TLN2: variants seen among roughly 807,000 people sequenced by gnomAD.
TLN2 encodes talin-2.
Under a neutral mutation model 294.7 loss-of-function variants are expected in TLN2, and 118 were observed. That is an observed-to-expected ratio of 0.40 (90% CI 0.34 to 0.47). The LOEUF is 0.47. TLN2 is among the 20% of genes least tolerant of loss of function. The pLI, the probability that TLN2 is intolerant of heterozygous loss-of-function variation, is 0.84. For missense variants in TLN2, 3,083 were observed against 3,282.2 expected, an observed-to-expected ratio of 0.94 and a Z score of 1.48; for synonymous variants, 1,431 against 1,304.5, an observed-to-expected ratio of 1.10 and a Z score of -2.09.
At chr15:62,396,703 A>G (rs1273974886) in intron 1 of TLN2, among the ~76,000 whole-genome samples, 1 of 151,956 alleles carries the variant, frequency 6.6e-6, no homozygotes, top group African/African-American at 2.4e-5. Context: ...GCTTCTGGCC[A>G]ATTGAGAAGG....
At chr15:62,668,663 G>A (rs2055022897) in intron 9 of TLN2, among the ~76,000 whole-genome samples, 1 of 152,204 alleles carries the variant, frequency 6.6e-6, no homozygotes, top group Non-Finnish European at 1.5e-5. Flanking sequence ...GACGGCGTGT[G>A]TGCTGTGACC....
At chr15:62,817,314 A>T (rs1308112253) in intron 52 of TLN2, among the ~76,000 whole-genome samples, 2 of 152,322 alleles carry the variant, frequency 1.3e-5, no homozygotes, top group African/African-American at 4.8e-5. Flanking sequence ...TTCACTCATT[A>T]ATTAATTTGT....
At chr15:62,630,866 T>G (rs967051289) in intron 3 of TLN2, among the ~76,000 whole-genome samples, 2 of 152,080 alleles carry the variant, frequency 1.3e-5, no homozygotes, top group African/African-American at 4.8e-5. Flanking sequence ...TTCAGACGAG[T>G]TCACCAAGAG....
At chr15:62,407,073 A>C (rs193154824) in intron 1 of TLN2, among the ~76,000 whole-genome samples, 70 of 152,288 alleles carry the variant, frequency 4.6e-4, no homozygotes, top group Admixed American at 2.1e-3. Context: ...TTAGAGGCCA[A>C]GGGACCCTAA....
intron 1 of TLN2, among the ~76,000 whole-genome samples, chr15:62,533,041 G>A (rs2041135312): frequency 6.6e-6 from 1 of 151,956 alleles, no homozygotes; most frequent in African/African-American, 2.4e-5. Flanking sequence ...ATCGCTTGAG[G>A]TCAGGAGTTT....
chr15:62,440,700 C>G (rs2035503594), intron 1 of TLN2, among the ~76,000 whole-genome samples: 1 of 152,172 alleles, frequency 6.6e-6, no homozygotes, highest in Admixed American at 6.5e-5. Flanking sequence ...ATTGACCGTC[C>G]TACTTTTACT....
At chr15:62,645,576 G>A (rs946193962) in intron 3 of TLN2, among the ~76,000 whole-genome samples, 6 of 152,094 alleles carry the variant, frequency 3.9e-5, no homozygotes, top group African/African-American at 1.4e-4. Context: ...GCCACCTGTC[G>A]TTAGGACGCC....
At chr15:62,734,817 G>A (rs73437617) in intron 28 of TLN2, among the ~76,000 whole-genome samples, 4,540 of 152,236 alleles carry the variant, frequency 0.03, 228 homozygotes, top group African/African-American at 0.1. Flanking sequence ...AAACCCATCT[G>A]GTTTTATGGA....
chr15:62,476,594 T>C (rs551703869), intron 1 of TLN2, among the ~76,000 whole-genome samples: 1 of 152,322 alleles, frequency 6.6e-6, no homozygotes, highest in Admixed American at 6.5e-5. Flanking sequence ...GCAGTCATAA[T>C]GGTTTTGGGG....
chr15:62,431,248 G>A (rs2034996191), intron 1 of TLN2, among the ~76,000 whole-genome samples: 1 of 151,978 alleles, frequency 6.6e-6, no homozygotes, highest in African/African-American at 2.4e-5. Context: ...TCCCTTTGGA[G>A]AAGGGAAATA....
chr15:62,469,968 G>A (rs1280440968), intron 1 of TLN2, among the ~76,000 whole-genome samples: 1 of 129,422 alleles, frequency 7.7e-6, no homozygotes, highest in East Asian at 1.9e-4. Flanking sequence ...GAGAGAGAGC[G>A]AGAGAGAGAG....
In TLN2 at chr15:62,817,804, T is replaced by G. The variant is rs114640630; in HGVS notation, c.6772-1712T>G. On this transcript the variant is annotated intron_variant, in intron 52 of 58. Transcript: ENST00000636159. ...GTGAGAAATACTCTCCATGTGTTAT[T>G]CCATTCTATCTTTTTTTTTTTTTTT... Among the ~76,000 whole-genome samples the G allele has an allele frequency of 3.9e-3, 591 of 151,104 alleles. 2 individuals are homozygous for G. Among genetic ancestry groups the G allele is most frequent in the African/African-American group, 0.014 (569 of 41,172 alleles).
intron 28 of TLN2, among the ~76,000 whole-genome samples, chr15:62,731,302 C>G (rs931897259): frequency 4.6e-5 from 7 of 150,826 alleles, no homozygotes; most frequent in African/African-American, 7.3e-5. Flanking sequence ...TTTCCCACCT[C>G]TTGGTTTTTC....
At chr15:62,683,573 T>C (rs1404000723) in intron 11 of TLN2, among the ~76,000 whole-genome samples, 4 of 151,226 alleles carry the variant, frequency 2.6e-5, no homozygotes, top group African/African-American at 4.9e-5. Flanking sequence ...CCGCCTCTCA[T>C]TGGTAGAATG....
At chr15:62,642,797 G>A (rs1271897959) in intron 3 of TLN2, among the ~76,000 whole-genome samples, 5 of 151,820 alleles carry the variant, frequency 3.3e-5, no homozygotes, top group African/African-American at 1.2e-4. Context: ...AGCCTCCCGG[G>A]TTCAAGCGAT....
chr15:62,701,265 G>T (rs2058703290), intron 17 of TLN2, 51 bp downstream of exon 17: 23 of 1,147,218 alleles, frequency 2.0e-5, no homozygotes, highest in South Asian at 9.4e-5. Flanking sequence ...TAAAAGCTGT[G>T]TTTTTTTTTT....
intron 12 of TLN2, among the ~76,000 whole-genome samples, chr15:62,690,666 G>C (rs1290968569): frequency 6.7e-6 from 1 of 148,522 alleles, no homozygotes; most frequent in Non-Finnish European, 1.5e-5. Flanking sequence ...GCGGGCAGCT[G>C]GGAGGTGGAT....
intron 39 of TLN2, 135 bp from the exon 40 acceptor site, chr15:62,763,428 G>C: frequency 8.3e-7 from 1 of 1,207,942 alleles, no homozygotes; most frequent in Non-Finnish European, 1.1e-6. Context: ...CCAACCAGGG[G>C]TCAGGGATTC....
intron 57 of TLN2, among the ~76,000 whole-genome samples, chr15:62,837,074 G>A (rs1282318137): frequency 6.6e-6 from 1 of 152,130 alleles, no homozygotes; most frequent in African/African-American, 2.4e-5. Flanking sequence ...GTGTTAAAAT[G>A]TAGATTGTCT....
Sources: gnomAD v4.1 joint callset for allele counts (sites outside exome capture counted in the v4.1 genomes callset) on GRCh38, gnomAD v4.1.1 for gene constraint, MANE v1.5 for transcripts, NCBI Gene and HGNC (gene_info 2026-07-23, HGNC 2026-07-21) for gene names.